The following MORC1 variants were observed in gnomAD, a reference collection of about 807,000 sequenced individuals.
MORC1 encodes the protein MORC family CW-type zinc finger protein 1.
MORC1 carries 59 observed loss-of-function variants against 134.9 expected under a neutral mutation model. That is an observed-to-expected ratio of 0.44 (90% CI 0.35 to 0.54). The LOEUF (loss-of-function observed/expected upper bound fraction) is 0.54. Among genes scored for constraint, MORC1 ranks in the 20% least tolerant of loss-of-function variants. The probability of loss-of-function intolerance (pLI) is 0.00; values close to 1 mark genes in which losing one functional copy is unlikely to be tolerated. For missense variants in MORC1, 947 were observed against 1,134.5 expected (o/e 0.83, Z 2.37); for synonymous variants, 395 against 391.7 (o/e 1.01, Z -0.10).
chr3:108,971,428 G>T, intron 24 of MORC1, 26 bp from the exon 25 acceptor site: 2 of 1,588,642 alleles, frequency 1.3e-6, no homozygotes, highest in Non-Finnish European at 1.7e-6. Flanking sequence ...CAGCAGATAT[G>T]GGAATATACT....
Position 108,979,494 on chromosome 3 carries a change from TA to T in MORC1, c.2477+20del, listed in dbSNP as rs1559867863. The T allele has an allele frequency of 6.2e-7, 1 of 1,611,316 alleles. No homozygotes were observed. The highest frequency in any genetic ancestry group is 1.1e-5 in the South Asian group (1 of 90,698). On this transcript the variant is annotated intron_variant, in intron 24 of 27. Transcript: ENST00000232603. ...GAAAGTTAAACAAAGCATGTGGAAA[TA>T]TGTGAGTAAATATCTTTACCTTAAC...
At chr3:109,029,679 A>T (rs2107602544) in intron 16 of MORC1, among the ~76,000 whole-genome samples, 1 of 152,314 alleles carries the variant, frequency 6.6e-6, no homozygotes, top group African/African-American at 2.4e-5. Context: ...CTTGAAGTGG[A>T]AAACAAAACC....
intron 23 of MORC1, among the ~76,000 whole-genome samples, chr3:108,981,968 C>A (rs539140761): frequency 6.6e-6 from 1 of 152,138 alleles, no homozygotes; most frequent in Non-Finnish European, 1.5e-5. Context: ...AGTGAACAGG[C>A]AACCTACAGA....
intron 8 of MORC1, among the ~76,000 whole-genome samples, chr3:109,075,503 A>G (rs777014680): frequency 3.9e-5 from 6 of 152,174 alleles, no homozygotes; most frequent in Non-Finnish European, 7.3e-5. Context: ...GTCCAGTTTC[A>G]GTTTTCCGCA....
intron 17 of MORC1, among the ~76,000 whole-genome samples, chr3:109,007,779 C>A (rs1167690963): frequency 6.6e-6 from 1 of 152,190 alleles, no homozygotes; most frequent in Non-Finnish European, 1.5e-5. Flanking sequence ...AATATAGTCA[C>A]ATATGACAAC....
intron 20 of MORC1, among the ~76,000 whole-genome samples, chr3:109,002,137 C>A (rs78564077): frequency 7.9e-4 from 120 of 152,354 alleles, no homozygotes; most frequent in African/African-American, 2.7e-3. Context: ...GCTCTGCCCA[C>A]ATTCACTTTT....
intron 14 of MORC1, among the ~76,000 whole-genome samples, chr3:109,047,013 T>C (rs879281950): frequency 4.6e-5 from 7 of 152,294 alleles, no homozygotes; most frequent in Non-Finnish European, 7.4e-5. Flanking sequence ...TTCCTTACCA[T>C]TGTGTTTAAA....
intron 20 of MORC1, among the ~76,000 whole-genome samples, chr3:109,003,788 T>C (rs1361199326): frequency 1.3e-5 from 2 of 152,124 alleles, no homozygotes; most frequent in African/African-American, 2.4e-5. Flanking sequence ...AAGAAAAGAT[T>C]TGGGCAAAAA....
At chr3:109,003,348 G>A (rs1361638988) in intron 20 of MORC1, among the ~76,000 whole-genome samples, 1 of 150,978 alleles carries the variant, frequency 6.6e-6, no homozygotes, top group Non-Finnish European at 1.5e-5. Flanking sequence ...TACATGAAGT[G>A]TGTGTATATT....
At chr3:109,075,940 A>T (rs1384017560) in intron 8 of MORC1, among the ~76,000 whole-genome samples, 1 of 152,138 alleles carries the variant, frequency 6.6e-6, no homozygotes, top group African/African-American at 2.4e-5. Flanking sequence ...GCATGGAATG[A>T]AAACACCAAA....
chr3:109,042,902 T>A (rs1949587980), intron 14 of MORC1, among the ~76,000 whole-genome samples: 1 of 151,962 alleles, frequency 6.6e-6, no homozygotes, highest in Non-Finnish European at 1.5e-5. Flanking sequence ...CAGAGTAGAA[T>A]GATGGTTACC....
intron 13 of MORC1, among the ~76,000 whole-genome samples, chr3:109,055,939 C>T (rs545911436): frequency 6.6e-6 from 1 of 152,266 alleles, no homozygotes; most frequent in South Asian, 2.1e-4. Flanking sequence ...CAAGGAAGAC[C>T]TTCCTGTGGA....
chr3:109,020,610 C>T (rs1330623887), intron 17 of MORC1, among the ~76,000 whole-genome samples: 5 of 151,760 alleles, frequency 3.3e-5, no homozygotes, highest in Non-Finnish European at 4.4e-5. Context: ...ACTAAAAATA[C>T]AAAAAATTAG....
chr3:108,971,298 T>C, intron 25 of MORC1, 32 bp downstream of exon 25: 8 of 1,583,314 alleles, frequency 5.1e-6, no homozygotes, highest in Non-Finnish European at 6.1e-6. Flanking sequence ...TATTCTATCA[T>C]TCCCTCACAG....
chr3:109,059,700 T>G, intron 12 of MORC1, 106 bp downstream of exon 12: 1 of 867,480 alleles, frequency 1.2e-6, no homozygotes, highest in South Asian at 1.9e-5. Context: ...TGTCACAAGC[T>G]GAAAAAAAAT....
At chr3:109,009,201 TTTG>T (rs1471304047) in intron 17 of MORC1, among the ~76,000 whole-genome samples, 3 of 138,180 alleles carry the variant, frequency 2.2e-5, no homozygotes, top group African/African-American at 8.4e-5. Context: ...TTTTACGTTT[TTTG>T]TTGTTTTTTT....
chr3:109,068,879 A>G (rs55940020), intron 9 of MORC1, among the ~76,000 whole-genome samples: 23,753 of 152,146 alleles, frequency 0.16, 2,040 homozygotes, highest in African/African-American at 0.22. Context: ...TGGGTGGCCA[A>G]GTGCAGTGGC....
At chr3:108,989,770 T>G (rs1284248537) in intron 21 of MORC1, among the ~76,000 whole-genome samples, 1 of 152,172 alleles carries the variant, frequency 6.6e-6, no homozygotes, top group East Asian at 1.9e-4. Context: ...GTTAACATTA[T>G]GTTCCAGGCC....
At chr3:109,111,901 T>G (rs1031220312) in intron 2 of MORC1, among the ~76,000 whole-genome samples, 5 of 152,186 alleles carry the variant, frequency 3.3e-5, no homozygotes, top group Non-Finnish European at 7.3e-5. Context: ...CCTCCCTATA[T>G]AGACACTCTG....
Sources: allele counts gnomAD v4.1 joint callset (sites outside exome capture counted in the v4.1 genomes callset), GRCh38; gene constraint gnomAD v4.1.1; transcripts MANE v1.5; gene names NCBI Gene and HGNC (gene_info 2026-07-23, HGNC 2026-07-21).